Variants in PPP2R2C observed in about 807,000 individuals in gnomAD.
PPP2R2C encodes the protein protein phosphatase 2, regulatory subunit B, gamma.
Under a neutral mutation model 45.3 loss-of-function variants are expected in PPP2R2C, and 10 were observed. The observed-to-expected ratio is 0.22, with a 90% CI of 0.14 to 0.37. PPP2R2C has a LOEUF of 0.37. Among genes scored for constraint, PPP2R2C ranks in the 10% least tolerant of loss-of-function variants. The pLI is 1.00. For missense variants in PPP2R2C, 308 were observed against 619.7 expected (o/e 0.50, Z 5.34); for synonymous variants, 257 against 245.4 (o/e 1.05, Z -0.44).
intron 1 of PPP2R2C, among the ~76,000 whole-genome samples, chr4:6,411,678 G>A (rs1194927342): frequency 6.6e-6 from 1 of 151,328 alleles, no homozygotes; most frequent in African/African-American, 2.4e-5. Flanking sequence ...TCAGCCTCCT[G>A]AGTAGCTGGG....
At chr4:6,535,433 C>G in intron 1 of PPP2R2C, 1 of 1,163,804 alleles carries the variant, frequency 8.6e-7, no homozygotes, top group Non-Finnish European at 1.2e-6. Context: ...GGTGCATGCA[C>G]GCCGCCACAC....
At chr4:6,508,204 G>A (rs532577428) in intron 2 of PPP2R2C, among the ~76,000 whole-genome samples, 1 of 152,222 alleles carries the variant, frequency 6.6e-6, no homozygotes, top group East Asian at 1.9e-4. Context: ...TGACCATCAG[G>A]TGATGGTCAG....
intron 1 of PPP2R2C, among the ~76,000 whole-genome samples, chr4:6,547,628 C>T (rs1725032626): frequency 6.6e-6 from 1 of 152,162 alleles, no homozygotes; most frequent in Admixed American, 6.5e-5. Context: ...AGGGACACCA[C>T]AGGGAAGCCA....
intron 5 of PPP2R2C, chr4:6,350,372 T>C: frequency 1.0e-6 from 1 of 985,400 alleles, no homozygotes; most frequent in Non-Finnish European, 1.2e-6. Flanking sequence ...ACTGATGAAA[T>C]GTCACGCACA....
chr4:6,552,784 C>T (rs1322289232), intron 1 of PPP2R2C, among the ~76,000 whole-genome samples: 1 of 152,174 alleles, frequency 6.6e-6, no homozygotes, highest in African/African-American at 2.4e-5. Context: ...CTTTCCACTA[C>T]ACTCACAAAC....
intron 2 of PPP2R2C, among the ~76,000 whole-genome samples, chr4:6,522,605 T>C (rs561992704): frequency 1.3e-5 from 2 of 152,264 alleles, no homozygotes; most frequent in Non-Finnish European, 2.9e-5. Flanking sequence ...AGGAACCACA[T>C]TGAGCACTGA....
intron 2 of PPP2R2C, among the ~76,000 whole-genome samples, chr4:6,480,066 C>T (rs1342371994): frequency 1.3e-5 from 2 of 152,028 alleles, no homozygotes; most frequent in African/African-American, 4.8e-5. Context: ...GCTGAAGTTC[C>T]TTTACATCCC....
At chr4:6,520,346 C>A (rs755163731) in intron 2 of PPP2R2C, among the ~76,000 whole-genome samples, 2 of 151,760 alleles carry the variant, frequency 1.3e-5, no homozygotes, top group Non-Finnish European at 2.9e-5. Flanking sequence ...ATGGTCTATA[C>A]CCAAAAAAAG....
intron 1 of PPP2R2C, among the ~76,000 whole-genome samples, chr4:6,405,531 A>G (rs982566358): frequency 2.6e-5 from 4 of 152,212 alleles, no homozygotes; most frequent in Admixed American, 2.6e-4. Context: ...AAGGGACCCC[A>G]AGGGCAACCC....
At chr4:6,352,988 G>A (rs1712704679) in intron 5 of PPP2R2C, among the ~76,000 whole-genome samples, 1 of 152,160 alleles carries the variant, frequency 6.6e-6, no homozygotes, top group African/African-American at 2.4e-5. Flanking sequence ...GCAGAGATGG[G>A]AGCGATGGCT....
chr4:6,384,675 G>A (rs780362410), intron 1 of PPP2R2C: 26 of 985,312 alleles, frequency 2.6e-5, no homozygotes, highest in Middle Eastern at 5.2e-4. Context: ...CAAATGCTGG[G>A]TGGTTACCAG....
rs926370347 is a variant in PPP2R2C, at chr4:6,472,241, C to G, written c.-12G>C. 2.5e-6 allele frequency: 4 copies of G among 1,612,442 alleles called. No individual in the cohort carries two copies. In the Admixed American group the frequency reaches 6.7e-5, roughly 27 times the overall value. On this transcript the variant is annotated 5_prime_UTR_variant, in exon 1 of 9. Transcript: ENST00000382599. Reference sequence around the variant, plus strand: ...GTGTCCTCGCCCATTGAAGGCCGTGCCCGGTGCTCTGGGCATGCCCCGCCG... The same window carrying G: ...GTGTCCTCGCCCATTGAAGGCCGTGGCCGGTGCTCTGGGCATGCCCCGCCG...
At position 6,329,459 on chromosome 4, in the gene PPP2R2C, G is replaced by C. The variant is rs1223616248; in HGVS notation, c.961-106C>G. On this transcript the variant is annotated intron_variant, in intron 7 of 8. Transcript: ENST00000382599. This position sits in a 1 kb window ranked among gnomAD's most constrained non-coding sequence, Gnocchi z 5.8. ...GCGAGGGTCTGCATGCCCTGACATG[G>C]CCCAGCGCAGACCTGCTCATCTCAG... 3 of 917,126 alleles carry C rather than the reference G, an allele frequency of 3.3e-6. No individual in the cohort carries two copies. Among genetic ancestry groups the C allele is most frequent in the Non-Finnish European group, 5.3e-6 (3 of 566,672 alleles). 56.8% of individuals were successfully genotyped at this position (917,126 alleles called of 1,614,324 possible). A position where few individuals can be genotyped will look rare whatever the true frequency, so the allele number is the denominator to read the frequency against.
intron 1 of PPP2R2C, among the ~76,000 whole-genome samples, chr4:6,454,536 T>A (rs1421005860): frequency 6.6e-6 from 1 of 152,116 alleles, no homozygotes; most frequent in Non-Finnish European, 1.5e-5. Context: ...AATGTGTGAG[T>A]GAGACCATCT....
At chr4:6,406,277 G>T (rs971640215) in intron 1 of PPP2R2C, among the ~76,000 whole-genome samples, 4 of 152,212 alleles carry the variant, frequency 2.6e-5, no homozygotes, top group Non-Finnish European at 4.4e-5. Context: ...GTGTGGACCA[G>T]CACCTTCCAT....
At chr4:6,411,426 T>C (rs1006633299) in intron 1 of PPP2R2C, among the ~76,000 whole-genome samples, 2 of 152,082 alleles carry the variant, frequency 1.3e-5, no homozygotes, top group African/African-American at 4.8e-5. Flanking sequence ...AGGTGTCTCC[T>C]CCCATCATTC....
chr4:6,537,146 T>A (rs1230487074), intron 1 of PPP2R2C, among the ~76,000 whole-genome samples: 1 of 151,800 alleles, frequency 6.6e-6, no homozygotes, highest in African/African-American at 2.4e-5. Context: ...GAGGTCACAG[T>A]GAGCCGAGAT....
chr4:6,475,411 C>T (rs150753672), upstream of PPP2R2C, among the ~76,000 whole-genome samples: 2 of 152,288 alleles, frequency 1.3e-5, no homozygotes, highest in Non-Finnish European at 2.9e-5. Context: ...CTTCAGCCAC[C>T]AGCACATTGC....
chr4:6,362,080 G>A (rs1713806547), intron 5 of PPP2R2C, among the ~76,000 whole-genome samples: 1 of 152,104 alleles, frequency 6.6e-6, no homozygotes, highest in South Asian at 2.1e-4. Flanking sequence ...AAGGCTCAGA[G>A]GTGTGAGAGG....
Sources: allele counts gnomAD v4.1 joint callset (sites outside exome capture counted in the v4.1 genomes callset), GRCh38; gene constraint gnomAD v4.1.1; non-coding constraint Gnocchi (gnomAD v3.1); transcripts MANE v1.5; gene names NCBI Gene and HGNC (gene_info 2026-07-23, HGNC 2026-07-21).